SCMH1: variants seen among roughly 807,000 people sequenced by gnomAD.
SCMH1 encodes Scm polycomb group protein homolog 1.
In SCMH1, 37 loss-of-function variants were observed where a neutral mutation model predicts 70.8. That is an observed-to-expected ratio of 0.52 (90% CI 0.40 to 0.69). SCMH1 has a LOEUF of 0.69. Ranked by LOEUF, SCMH1 falls within the 30% of genes least tolerant of loss-of-function variation. SCMH1 has a pLI of 0.00. For synonymous variants in SCMH1, 292 were observed against 307.4 expected, an observed-to-expected ratio of 0.95 and a Z score of 0.52; for missense variants, 607 against 827.3, an observed-to-expected ratio of 0.73 and a Z score of 3.27.
rs549181213 is a variant in SCMH1, at chr1:41,180,676, C to T, written c.13+5445G>A. Among the ~76,000 whole-genome samples, 4 of 152,192 alleles carry T rather than the reference C, an allele frequency of 2.6e-5. No individual in the cohort carries two copies. In the South Asian group the frequency reaches 8.3e-4, roughly 32 times the overall value. On this transcript the variant is annotated intron_variant, in intron 2 of 14. Transcript: ENST00000337495. ...GAGCTCTTTAAGGAGAACTACAAAC[C>T]ACTGCTCAAGGAAATAAAAGAGGAC...
At chr1:41,094,552 A>G (rs1405998236) in intron 8 of SCMH1, among the ~76,000 whole-genome samples, 1 of 152,104 alleles carries the variant, frequency 6.6e-6, no homozygotes, top group Non-Finnish European at 1.5e-5. Context: ...CTAAGAAAGA[A>G]TTTCTTTCTC....
chr1:41,188,358 G>A (rs1650812599), intron 1 of SCMH1, among the ~76,000 whole-genome samples: 1 of 152,152 alleles, frequency 6.6e-6, no homozygotes, highest in South Asian at 2.1e-4. Context: ...TCGAACTCCT[G>A]ACCTCAAGAA....
chr1:41,229,624 A>T (rs978237962), intron 1 of SCMH1, among the ~76,000 whole-genome samples: 7 of 152,156 alleles, frequency 4.6e-5, no homozygotes, highest in African/African-American at 1.7e-4. Context: ...TAGCATTAGG[A>T]GAAATACCTA....
chr1:41,239,172 A>C (rs1189961018), intron 1 of SCMH1, among the ~76,000 whole-genome samples: 2 of 152,160 alleles, frequency 1.3e-5, no homozygotes, highest in African/African-American at 2.4e-5. Context: ...AAGGTCCACC[A>C]CGACATGGCC....
chr1:41,238,960 C>G (rs1387883176), intron 1 of SCMH1, among the ~76,000 whole-genome samples: 1 of 152,280 alleles, frequency 6.6e-6, no homozygotes, highest in Admixed American at 6.5e-5. Flanking sequence ...GAGCATCACA[C>G]GGGACTCCTC....
intron 1 of SCMH1, among the ~76,000 whole-genome samples, chr1:41,209,933 C>T: frequency 6.6e-6 from 1 of 152,204 alleles, no homozygotes; most frequent in East Asian, 1.9e-4. Flanking sequence ...TCCCTGTTTG[C>T]AGATGACATG....
At chr1:41,045,686 C>T (rs1402192260) in intron 12 of SCMH1, 1 of 152,258 alleles carries the variant, frequency 6.6e-6, no homozygotes, top group African/African-American at 2.4e-5. Context: ...TTTTAAGGGC[C>T]TTTCCTCCCT....
intron 1 of SCMH1, among the ~76,000 whole-genome samples, chr1:41,193,975 A>G (rs1652385044): frequency 6.6e-6 from 1 of 152,220 alleles, no homozygotes; most frequent in African/African-American, 2.4e-5. Flanking sequence ...CTACATGTCT[A>G]CTAAATTCTG....
intron 8 of SCMH1, among the ~76,000 whole-genome samples, chr1:41,090,141 G>A (rs533802146): frequency 5.3e-5 from 8 of 152,034 alleles, no homozygotes; most frequent in African/African-American, 1.4e-4. Flanking sequence ...TGTCAAGACC[G>A]CTTTACACTC....
chr1:41,236,706 T>C (rs1025530975), intron 1 of SCMH1, among the ~76,000 whole-genome samples: 1 of 152,172 alleles, frequency 6.6e-6, no homozygotes, highest in African/African-American at 2.4e-5. Flanking sequence ...TCTACACACA[T>C]CCTCCTATGT....
intron 6 of SCMH1, among the ~76,000 whole-genome samples, chr1:41,130,191 G>A (rs977349560): frequency 9.9e-5 from 15 of 152,104 alleles, no homozygotes; most frequent in Non-Finnish European, 8.8e-5. Context: ...TGTTGTTGAG[G>A]TTTAGGAGTT....
intron 6 of SCMH1, among the ~76,000 whole-genome samples, chr1:41,140,580 T>G (rs1643966252): frequency 6.6e-6 from 1 of 152,106 alleles, no homozygotes; most frequent in Non-Finnish European, 1.5e-5. Context: ...TGTGAGCCAC[T>G]GCACCCAGCC....
At chr1:41,029,420 G>T (rs990658875) in intron 13 of SCMH1, among the ~76,000 whole-genome samples, 6 of 152,168 alleles carry the variant, frequency 3.9e-5, no homozygotes, top group Admixed American at 3.3e-4. Context: ...GGCTGGTCTT[G>T]AATTCCTGAC....
rs1652749424 is a variant in SCMH1 at position 41,061,792 on chromosome 1, T to G, written c.1105+8803A>C. The stretch of plus-strand genomic sequence containing the variant: ...AGGATACATACTCTTTTGAAGCTCA[T>G]GTAGAACATTCAGCAAGGTAGATCA... On this transcript the variant is annotated intron_variant, in intron 10 of 14. Transcript: ENST00000337495. Among the ~76,000 whole-genome samples the G allele has an allele frequency of 2.0e-5, 3 of 152,236 alleles. No homozygotes were observed. In the South Asian group the frequency reaches 6.2e-4, roughly 32 times the overall value.
intron 1 of SCMH1, among the ~76,000 whole-genome samples, chr1:41,214,882 C>A (rs1390055070): frequency 6.6e-6 from 1 of 152,152 alleles, no homozygotes; most frequent in East Asian, 1.9e-4. Context: ...GAAAATGTCT[C>A]AACTTCTGCT....
At chr1:41,188,595 G>A (rs1057041126) in intron 1 of SCMH1, among the ~76,000 whole-genome samples, 1 of 152,154 alleles carries the variant, frequency 6.6e-6, no homozygotes, top group Non-Finnish European at 1.5e-5. Flanking sequence ...AGAATGTAAT[G>A]ACTCCGTATT....
upstream of SCMH1, chr1:41,242,186 C>T (rs1225424967): frequency 9.7e-6 from 1 of 103,372 alleles, no homozygotes; most frequent in African/African-American, 3.6e-5. This position sits in a 1 kb window ranked among gnomAD's most constrained non-coding sequence, Gnocchi z 5.2. Flanking sequence ...GGGCGGGCGG[C>T]GGGGGGCTCC....
At chr1:41,119,982 G>T (rs1183272739) in intron 6 of SCMH1, among the ~76,000 whole-genome samples, 2 of 152,142 alleles carry the variant, frequency 1.3e-5, no homozygotes, top group African/African-American at 4.8e-5. Context: ...ACTCTCCTTA[G>T]GTCAGGGAAG....
intron 13 of SCMH1, among the ~76,000 whole-genome samples, chr1:41,030,802 C>G (rs1644413309): frequency 6.6e-6 from 1 of 152,194 alleles, no homozygotes; most frequent in African/African-American, 2.4e-5. Flanking sequence ...TAAAAGAGTG[C>G]CTGGTCTGCC....
Sources: gnomAD v4.1 joint callset for allele counts (sites outside exome capture counted in the v4.1 genomes callset) on GRCh38, gnomAD v4.1.1 for gene constraint, Gnocchi (gnomAD v3.1) non-coding constraint, MANE v1.5 for transcripts, NCBI Gene and HGNC (gene_info 2026-07-23, HGNC 2026-07-21) for gene names.